PARD3: variants seen among roughly 807,000 people sequenced by gnomAD.
The protein encoded by PARD3 is partitioning defective 3 homolog.
A neutral mutation model predicts 155.4 loss-of-function variants in PARD3; 75 were observed. The observed-to-expected ratio is 0.48, with a 90% confidence interval of 0.40 to 0.58. The LOEUF is 0.58. Among genes scored for constraint, PARD3 ranks in the 20% least tolerant of loss-of-function variants. The pLI is 0.00. For missense variants in PARD3, 1,642 were observed against 1,721.7 expected (o/e 0.95, Z 0.82); for synonymous variants, 576 against 610.5 (o/e 0.94, Z 0.83).
Position 34,387,971 on chromosome 10 carries a change from T to C in PARD3, c.891-3717A>G, listed in dbSNP as rs555196857. Among the ~76,000 whole-genome samples, 3 of 152,154 alleles carry C rather than the reference T, an allele frequency of 2.0e-5. No homozygotes were observed. The South Asian group carries it at 6.2e-4, about 32-fold the overall frequency. The stretch of plus-strand genomic sequence containing the variant: ...ACAAATCATAAATACACCACACACG[T>C]ATAGAAACTATAATGGAAATTTATT... On this transcript the variant is annotated intron_variant, in intron 7 of 24. Coordinates refer to ENST00000374788, the MANE Select transcript of PARD3 (RefSeq NM_001184785.2).
At chr10:34,428,132 G>C (rs913809979) in intron 5 of PARD3, among the ~76,000 whole-genome samples, 3 of 151,980 alleles carry the variant, frequency 2.0e-5, no homozygotes, top group African/African-American at 4.8e-5. Context: ...AATCTCTCCC[G>C]ATCAACAAAC....
chr10:34,254,537 CGTGT>C (rs55901749), intron 22 of PARD3, among the ~76,000 whole-genome samples: 1,595 of 145,584 alleles, frequency 0.011, 9 homozygotes, highest in African/African-American at 0.018. Context: ...GGTAGGTAAA[CGTGT>C]GTGTGTGTGT....
intron 13 of PARD3, 47 bp from the exon 14 acceptor site, chr10:34,359,364 T>A (rs760933100): frequency 6.1e-6 from 8 of 1,307,526 alleles, no homozygotes; most frequent in Middle Eastern, 3.8e-4. Flanking sequence ...CAGACTGCTA[T>A]AAAAGAAGTA....
chr10:34,775,295 A>G (rs552758487), intron 1 of PARD3, among the ~76,000 whole-genome samples: 1 of 152,134 alleles, frequency 6.6e-6, no homozygotes, highest in African/African-American at 2.4e-5. Context: ...AAGCAGGAGG[A>G]TCGCTTGAGG....
At chr10:34,723,720 T>C (rs538319570) in intron 1 of PARD3, among the ~76,000 whole-genome samples, 1 of 152,370 alleles carries the variant, frequency 6.6e-6, no homozygotes, top group East Asian at 1.9e-4. Flanking sequence ...TTCATAAATC[T>C]GGCATCATTC....
In PARD3 at chr10:34,352,686, A is replaced by G. The variant is rs551950955; in HGVS notation, c.2068-4571T>C. Among the ~76,000 whole-genome samples the G allele has an allele frequency of 3.9e-5, 6 of 152,272 alleles. No individual in the cohort carries two copies. The East Asian group carries it at 9.7e-4, about 25-fold the overall frequency. On this transcript the variant is annotated intron_variant, in intron 14 of 24. Coordinates refer to ENST00000374788, the MANE Select transcript of PARD3 (RefSeq NM_001184785.2). ...GGCTGGAGTGCAGTGGCGTGATCTCAGCTCGCTACAATCTCCACCTCGCAG... is the reference window on the plus strand; with the variant it reads ...GGCTGGAGTGCAGTGGCGTGATCTCGGCTCGCTACAATCTCCACCTCGCAG...
chr10:34,199,264 C>T (rs1179355101), intron 22 of PARD3, among the ~76,000 whole-genome samples: 1 of 152,176 alleles, frequency 6.6e-6, no homozygotes, highest in African/African-American at 2.4e-5. Flanking sequence ...GCATATCTTC[C>T]TGTCTCCTTG....
chr10:34,622,719 A>G (rs2091750948), intron 2 of PARD3, among the ~76,000 whole-genome samples: 1 of 152,192 alleles, frequency 6.6e-6, no homozygotes, highest in Non-Finnish European at 1.5e-5. Context: ...TTTTGGGAAA[A>G]CAAGATAATT....
At chr10:34,145,223 T>TTTTTTTA (rs1948442629) in intron 22 of PARD3, among the ~76,000 whole-genome samples, 1 of 61,800 alleles carries the variant, frequency 1.6e-5, no homozygotes, top group African/African-American at 1.1e-4. Context: ...ATATATATAT[T>TTTTTTTA]TTTTTTTTTT....
At chr10:34,749,293 G>T (rs1227932937) in intron 1 of PARD3, among the ~76,000 whole-genome samples, 2 of 152,110 alleles carry the variant, frequency 1.3e-5, no homozygotes, top group Non-Finnish European at 2.9e-5. Context: ...GGAAATGCTA[G>T]CCAGTGCAAT....
intron 2 of PARD3, 152 bp downstream of exon 2, chr10:34,696,166 T>A: frequency 1.9e-6 from 1 of 539,922 alleles, no homozygotes; most frequent in Non-Finnish European, 3.3e-6. Context: ...AGATTCATGA[T>A]ACTTATTATA....
chr10:34,749,665 G>A (rs1362967870), intron 1 of PARD3, among the ~76,000 whole-genome samples: 3 of 151,970 alleles, frequency 2.0e-5, no homozygotes, highest in Non-Finnish European at 2.9e-5. Flanking sequence ...ATGTATTGCC[G>A]GATATATGGA....
intron 2 of PARD3, among the ~76,000 whole-genome samples, chr10:34,629,022 G>A (rs1322799155): frequency 6.6e-6 from 1 of 152,164 alleles, no homozygotes; most frequent in Non-Finnish European, 1.5e-5. Flanking sequence ...CCAAAATGGG[G>A]AAAGAGGGGT....
intron 24 of PARD3, among the ~76,000 whole-genome samples, chr10:34,112,346 C>T (rs185585952): frequency 6.6e-6 from 1 of 152,316 alleles, no homozygotes; most frequent in Admixed American, 6.5e-5. Flanking sequence ...AAATTCTTCC[C>T]ACTTCTGCAA....
At chr10:34,182,841 C>A (rs890024766) in intron 22 of PARD3, among the ~76,000 whole-genome samples, 1 of 151,836 alleles carries the variant, frequency 6.6e-6, no homozygotes, top group East Asian at 1.9e-4. Flanking sequence ...GGTTCTCTTA[C>A]GCCAGGTCAT....
At chr10:34,672,531 T>A (rs142613099) in intron 2 of PARD3, among the ~76,000 whole-genome samples, 3 of 152,322 alleles carry the variant, frequency 2.0e-5, no homozygotes, top group African/African-American at 7.2e-5. Context: ...AATAAACACA[T>A]GAACGGCCCA....
At chr10:34,709,969 C>A (rs146227770) in intron 1 of PARD3, among the ~76,000 whole-genome samples, 8 of 151,646 alleles carry the variant, frequency 5.3e-5, no homozygotes, top group Admixed American at 2.0e-4. Flanking sequence ...TCACACACTG[C>A]GCCTGAGTAT....
chr10:34,163,719 A>T (rs1172512003), intron 22 of PARD3, among the ~76,000 whole-genome samples: 2 of 152,208 alleles, frequency 1.3e-5, no homozygotes, highest in East Asian at 1.9e-4. Context: ...GTCTGTGGGC[A>T]TAGTTTGCAA....
At chr10:34,258,815 G>C (rs536106562) in intron 22 of PARD3, among the ~76,000 whole-genome samples, 4 of 152,084 alleles carry the variant, frequency 2.6e-5, no homozygotes, top group African/African-American at 9.7e-5. Flanking sequence ...TCAGTGCTTC[G>C]GGAGGCCAAG....
Sources: allele counts gnomAD v4.1 joint callset (sites outside exome capture counted in the v4.1 genomes callset), GRCh38; gene constraint gnomAD v4.1.1; transcripts MANE v1.5; gene names NCBI Gene and HGNC (gene_info 2026-07-23, HGNC 2026-07-21).